Variants in GRIP1 observed in about 807,000 individuals in gnomAD.
GRIP1 encodes the protein glutamate receptor interacting protein 1.
Under a neutral mutation model 129.9 loss-of-function variants are expected in GRIP1, and 45 were observed. The ratio of observed to expected loss-of-function variants is 0.35; its 90% CI spans 0.27 to 0.44. The LOEUF (loss-of-function observed/expected upper bound fraction) is 0.44. Ranked by LOEUF, GRIP1 falls within the 20% of genes least tolerant of loss-of-function variation. GRIP1 has a pLI of 1.00. For missense variants in GRIP1, 1,196 were observed against 1,396.8 expected (o/e 0.86, Z 2.29); for synonymous variants, 530 against 520.8 (o/e 1.02, Z -0.24).
intron 1 of GRIP1, among the ~76,000 whole-genome samples, chr12:66,709,149 T>C (rs1287976676): frequency 2.0e-5 from 3 of 151,986 alleles, no homozygotes; most frequent in African/African-American, 4.8e-5. Context: ...TCAGTGCTTA[T>C]CCAAGTAGTC....
intron 1 of GRIP1, among the ~76,000 whole-genome samples, chr12:66,697,581 A>G (rs546467945): frequency 6.6e-6 from 1 of 152,254 alleles, no homozygotes; most frequent in African/African-American, 2.4e-5. Context: ...GGGCAGTCAC[A>G]CATTTGAGAC....
intron 1 of GRIP1, among the ~76,000 whole-genome samples, chr12:66,854,328 AT>A (rs1444271908): frequency 5.9e-5 from 3 of 51,114 alleles, no homozygotes. Flanking sequence ...GATTACAAAG[AT>A]GAGAATGGTG....
At chr12:66,963,449 G>C (rs769856735) in intron 1 of GRIP1, among the ~76,000 whole-genome samples, 3 of 152,000 alleles carry the variant, frequency 2.0e-5, no homozygotes, top group Non-Finnish European at 2.9e-5. Context: ...CTATAATAAA[G>C]GTAGGGATTA....
At chr12:66,993,033 G>C (rs555030796) in intron 1 of GRIP1, among the ~76,000 whole-genome samples, 3 of 151,942 alleles carry the variant, frequency 2.0e-5, no homozygotes, top group Non-Finnish European at 4.4e-5. Flanking sequence ...AGCATCTCTT[G>C]AGCCCAGGAG....
At chr12:66,633,230 TG>T (rs2031004040) in intron 1 of GRIP1, among the ~76,000 whole-genome samples, 1 of 147,440 alleles carries the variant, frequency 6.8e-6, no homozygotes, top group African/African-American at 2.5e-5. Flanking sequence ...TATATATATA[TG>T]AGTATTTTAT....
chr12:66,595,138 T>C (rs2063997602), intron 2 of GRIP1, among the ~76,000 whole-genome samples: 1 of 152,196 alleles, frequency 6.6e-6, no homozygotes, highest in Non-Finnish European at 1.5e-5. Flanking sequence ...AAAAGGGTTC[T>C]ATCAATGGTC....
At chr12:66,581,809 C>T (rs112212594) in intron 2 of GRIP1, among the ~76,000 whole-genome samples, 7 of 152,092 alleles carry the variant, frequency 4.6e-5, no homozygotes, top group Non-Finnish European at 8.8e-5. Context: ...GATTCACAGC[C>T]GAATTCTACC....
chr12:66,386,487 A>G (rs2056364312), intron 19 of GRIP1, among the ~76,000 whole-genome samples: 1 of 152,044 alleles, frequency 6.6e-6, no homozygotes, highest in South Asian at 2.1e-4. Context: ...ACAAAAAATT[A>G]GCTGGTCGTG....
At chr12:66,352,809 T>C (rs967210714) in intron 24 of GRIP1, among the ~76,000 whole-genome samples, 1 of 147,640 alleles carries the variant, frequency 6.8e-6, no homozygotes, top group Non-Finnish European at 1.5e-5. Context: ...AGTTAGCAAA[T>C]TGCATTCTGG....
intron 1 of GRIP1, among the ~76,000 whole-genome samples, chr12:66,991,654 T>C (rs940828717): frequency 2.0e-5 from 3 of 152,232 alleles, no homozygotes; most frequent in Non-Finnish European, 2.9e-5. Context: ...TATTACATTA[T>C]GAAAGCCAAA....
chr12:66,451,391 T>TG (rs2058797563), intron 11 of GRIP1, among the ~76,000 whole-genome samples: 1 of 48,940 alleles, frequency 2.0e-5, no homozygotes, highest in Admixed American at 2.0e-4. Flanking sequence ...CTGTTTTTTT[T>TG]TTTTTTTTTT....
At chr12:66,968,772 A>G (rs1195178989) in intron 1 of GRIP1, among the ~76,000 whole-genome samples, 1 of 127,832 alleles carries the variant, frequency 7.8e-6, no homozygotes, top group African/African-American at 3.3e-5. Context: ...TAATGAGAAA[A>G]GCAAAAGATT....
At chr12:67,062,308 T>G (rs2043549619) in intron 1 of GRIP1, among the ~76,000 whole-genome samples, 1 of 152,226 alleles carries the variant, frequency 6.6e-6, no homozygotes, top group Admixed American at 6.5e-5. Flanking sequence ...AATATTTATA[T>G]TCTATGCTCA....
intron 4 of GRIP1, among the ~76,000 whole-genome samples, chr12:66,531,160 G>A (rs1171079588): frequency 1.3e-4 from 20 of 150,180 alleles, no homozygotes; most frequent in Admixed American, 1.3e-4. Flanking sequence ...ACTTGAACCC[G>A]CGGGGGCGGA....
At chr12:66,963,514 C>G (rs2041953362) in intron 1 of GRIP1, among the ~76,000 whole-genome samples, 1 of 152,078 alleles carries the variant, frequency 6.6e-6, no homozygotes, top group Non-Finnish European at 1.5e-5. Flanking sequence ...GGTTAAGTTA[C>G]CAAGACTACA....
At chr12:66,403,004 C>A (rs549964729) in intron 16 of GRIP1, among the ~76,000 whole-genome samples, 66 of 152,314 alleles carry the variant, frequency 4.3e-4, no homozygotes, top group Admixed American at 9.2e-4. Context: ...CAAGAGCTCC[C>A]TGAGATGGGT....
intron 7 of GRIP1, among the ~76,000 whole-genome samples, chr12:66,485,502 A>G (rs559480208): frequency 8.2e-4 from 125 of 151,934 alleles, no homozygotes; most frequent in Middle Eastern, 3.4e-3. Flanking sequence ...TGGATATGTG[A>G]TTTGCAAATA....
At chr12:67,004,475 A>G (rs2042598457) in intron 1 of GRIP1, among the ~76,000 whole-genome samples, 1 of 152,182 alleles carries the variant, frequency 6.6e-6, no homozygotes, top group Admixed American at 6.5e-5. Context: ...CATGCCCCTC[A>G]GAACTTGATG....
chr12:66,381,668 A>C (rs557381521), intron 19 of GRIP1, among the ~76,000 whole-genome samples: 1 of 152,350 alleles, frequency 6.6e-6, no homozygotes, highest in Admixed American at 6.5e-5. Context: ...TGTTGTATGT[A>C]TAATAAGTAG....
Sources: allele counts gnomAD v4.1 joint callset (sites outside exome capture counted in the v4.1 genomes callset), GRCh38; gene constraint gnomAD v4.1.1; transcripts MANE v1.5; gene names NCBI Gene and HGNC (gene_info 2026-07-23, HGNC 2026-07-21).